FOXP1: variants seen among roughly 807,000 people sequenced by gnomAD.
FOXP1 encodes the protein forkhead box protein P1.
Under a neutral mutation model 98.2 loss-of-function variants are expected in FOXP1, and 15 were observed. The observed-to-expected ratio is 0.15, with a 90% CI of 0.10 to 0.24. The LOEUF is 0.24. Ranked by LOEUF, FOXP1 falls within the 10% of genes least tolerant of loss-of-function variation. The pLI, the probability that FOXP1 is intolerant of heterozygous loss-of-function variation, is 1.00. For synonymous variants in FOXP1, 371 were observed against 314.5 expected (o/e 1.18, Z -1.90); for missense variants, 633 against 848.5 (o/e 0.75, Z 3.15).
chr3:71,112,171 G>A (rs1053927713), intron 7 of FOXP1, among the ~76,000 whole-genome samples: 24 of 152,242 alleles, frequency 1.6e-4, no homozygotes, highest in Non-Finnish European at 2.9e-4. Context: ...CTACACTAAA[G>A]TAAGGTGTGT....
chr3:71,071,960 A>G (rs2053293979), intron 7 of FOXP1, among the ~76,000 whole-genome samples: 1 of 152,220 alleles, frequency 6.6e-6, no homozygotes. Context: ...TACCAAGTGC[A>G]CATTTTACAT....
intron 7 of FOXP1, among the ~76,000 whole-genome samples, chr3:71,108,520 C>T (rs1036409846): frequency 9.2e-5 from 14 of 152,164 alleles, no homozygotes; most frequent in African/African-American, 3.4e-4. Flanking sequence ...AATCCTAACA[C>T]TTTGGGAGGT....
At chr3:71,050,992 C>T (rs1451007778) in intron 9 of FOXP1, among the ~76,000 whole-genome samples, 1 of 152,090 alleles carries the variant, frequency 6.6e-6, no homozygotes, top group African/African-American at 2.4e-5. Flanking sequence ...TTCTTTTGAC[C>T]GCACAATAAT....
At chr3:71,318,747 G>C (rs1045683976) in intron 4 of FOXP1, among the ~76,000 whole-genome samples, 1 of 152,182 alleles carries the variant, frequency 6.6e-6, no homozygotes, top group Non-Finnish European at 1.5e-5. Flanking sequence ...GATTAGAATA[G>C]AGCTAATGGA....
chr3:71,476,070 C>A (rs115713905), intron 3 of FOXP1, among the ~76,000 whole-genome samples: 2 of 152,074 alleles, frequency 1.3e-5, no homozygotes, highest in African/African-American at 4.8e-5. Flanking sequence ...AGCAGATTAT[C>A]CGATAGCATT....
At chr3:71,583,413 G>A (rs1360776017) in intron 1 of FOXP1, 158 bp downstream of exon 1, 23 of 948,376 alleles carry the variant, frequency 2.4e-5, no homozygotes, top group South Asian at 4.9e-5. Flanking sequence ...GAGCCTGGAG[G>A]TGGAAAGTAG....
chr3:71,216,298 A>G (rs1478097319), intron 5 of FOXP1, among the ~76,000 whole-genome samples: 1 of 152,272 alleles, frequency 6.6e-6, no homozygotes, highest in Non-Finnish European at 1.5e-5. Context: ...GAATTTAAGT[A>G]TGATTGAATA....
rs368277709 is a variant in FOXP1, at chr3:71,279,192, A to AAAAAAAAAC, written c.-12+20627_-12+20628insGTTTTTTTT. ...CATCTCAAAAAAAAAAAAAAAAAAAAAGAAAGAAATAGGAATTGATACCAT... is the reference window on the plus strand; with the variant it reads ...CATCTCAAAAAAAAAAAAAAAAAAAAAAAAAAAACAGAAAGAAATAGGAATTGATACCAT... On this transcript the variant is annotated intron_variant, in intron 5 of 20. Transcript: ENST00000649528. Among the ~76,000 whole-genome samples the AAAAAAAAAC allele has an allele frequency of 2.8e-3, 397 of 139,324 alleles. 9 individuals carry two copies. Among genetic ancestry groups the AAAAAAAAAC allele is most frequent in the South Asian group, 7.1e-3 (31 of 4,340 alleles). 91.4% of individuals were successfully genotyped at this position (139,324 alleles called of 152,430 possible).
At chr3:71,019,392 T>C (rs1376972049) in intron 11 of FOXP1, among the ~76,000 whole-genome samples, 1 of 152,200 alleles carries the variant, frequency 6.6e-6, no homozygotes, top group African/African-American at 2.4e-5. Flanking sequence ...TTTAAAAGAT[T>C]TAAACATGTT....
chr3:71,028,013 G>A (rs1481831272), intron 11 of FOXP1, among the ~76,000 whole-genome samples: 1 of 152,078 alleles, frequency 6.6e-6, no homozygotes, highest in East Asian at 1.9e-4. Context: ...TTTGATCTGG[G>A]CCTTAACGTA....
chr3:71,568,060 AAG>A (rs1159510466), intron 2 of FOXP1: 1 of 82,624 alleles, frequency 1.2e-5, no homozygotes, highest in East Asian at 4.7e-4. Flanking sequence ...AGGGGAGGGG[AAG>A]AGGGGGGGAG....
intron 3 of FOXP1, among the ~76,000 whole-genome samples, chr3:71,387,028 A>G (rs529936068): frequency 1.4e-3 from 213 of 152,144 alleles, no homozygotes; most frequent in Non-Finnish European, 2.0e-3. Context: ...TGCTCTGAGC[A>G]CCAAGATTTT....
intron 10 of FOXP1, among the ~76,000 whole-genome samples, chr3:71,044,409 A>G (rs1048182840): frequency 1.3e-5 from 2 of 152,232 alleles, no homozygotes; most frequent in African/African-American, 4.8e-5. Context: ...TGAGATGATT[A>G]AAGAGACCAG....
At chr3:71,070,065 G>A (rs572060250) in intron 7 of FOXP1, among the ~76,000 whole-genome samples, 84 of 152,256 alleles carry the variant, frequency 5.5e-4, no homozygotes, top group South Asian at 3.1e-3. Context: ...AGCCTGCCAG[G>A]ATTAGGAAAT....
chr3:70,960,640 A>T (rs1368904340), intron 20 of FOXP1, among the ~76,000 whole-genome samples: 1 of 152,124 alleles, frequency 6.6e-6, no homozygotes, highest in Non-Finnish European at 1.5e-5. Context: ...ATTAGTAATA[A>T]GAGGTGGTAA....
chr3:70,966,090 C>T lies in FOXP1; in HGVS notation c.1723-34G>A, dbSNP rs75629319. The T allele has an allele frequency of 2.5e-5, 40 of 1,588,994 alleles. No homozygotes were observed. In the East Asian group the frequency reaches 8.5e-4, roughly 34 times the overall value. ...AACCAAGAGAAAATTTATGAAGACA[C>T]AGGGTATGTAAGACAAGGAAACTAC... On this transcript the variant is annotated intron_variant, in intron 19 of 20. Coordinates refer to ENST00000649528, the MANE Select transcript of FOXP1 (RefSeq NM_001349338.3).
chr3:71,469,797 C>G (rs1280746839), intron 3 of FOXP1, among the ~76,000 whole-genome samples: 2 of 152,170 alleles, frequency 1.3e-5, no homozygotes, highest in Middle Eastern at 3.2e-3. Flanking sequence ...GGAACTTTCT[C>G]AAATATCAGT....
intron 5 of FOXP1, among the ~76,000 whole-genome samples, chr3:71,270,521 G>A (rs964533223): frequency 1.3e-5 from 2 of 152,108 alleles, no homozygotes; most frequent in Admixed American, 6.5e-5. Flanking sequence ...GAGAGAAGGC[G>A]CCAAATAAAG....
At chr3:71,078,712 A>G (rs1271565329) in intron 7 of FOXP1, among the ~76,000 whole-genome samples, 1 of 151,944 alleles carries the variant, frequency 6.6e-6, no homozygotes, top group Non-Finnish European at 1.5e-5. Context: ...ACGTTGCCCA[A>G]GGAGCTTCCA....
Sources: allele counts gnomAD v4.1 joint callset (sites outside exome capture counted in the v4.1 genomes callset), GRCh38; gene constraint gnomAD v4.1.1; transcripts MANE v1.5; gene names NCBI Gene and HGNC (gene_info 2026-07-23, HGNC 2026-07-21).